CDKAL1: variants seen among roughly 807,000 people sequenced by gnomAD.
CDKAL1 encodes CDKAL1 threonylcarbamoyladenosine tRNA methylthiotransferase.
A neutral mutation model predicts 68.2 loss-of-function variants in CDKAL1; 32 were observed. The observed-to-expected ratio is 0.47, with a 90% CI of 0.35 to 0.63. The LOEUF is 0.63. Among genes scored for constraint, CDKAL1 ranks in the 30% least tolerant of loss-of-function variants. The probability of loss-of-function intolerance (pLI) is 0.00; values close to 1 mark genes in which losing one functional copy is unlikely to be tolerated. For missense variants in CDKAL1, 606 were observed against 696.7 expected (o/e 0.87, Z 1.47); for synonymous variants, 234 against 244.3 (o/e 0.96, Z 0.39).
chr6:21,124,705 C>G (rs1774904812), intron 13 of CDKAL1, among the ~76,000 whole-genome samples: 1 of 151,514 alleles, frequency 6.6e-6, no homozygotes, highest in Admixed American at 6.6e-5. Flanking sequence ...TATAGGTTCA[C>G]TTGGTGGCAG....
At chr6:21,103,835 G>A (rs1773710727) in intron 12 of CDKAL1, among the ~76,000 whole-genome samples, 1 of 152,140 alleles carries the variant, frequency 6.6e-6, no homozygotes, top group African/African-American at 2.4e-5. Flanking sequence ...GCATGACTGA[G>A]ATGTTTGTTT....
chr6:20,662,996 C>T lies in CDKAL1; in HGVS notation c.371+13619C>T, dbSNP rs1299310236. Among the ~76,000 whole-genome samples the T allele has an allele frequency of 2.6e-5, 4 of 152,078 alleles. 1 individual carries two copies. Among genetic ancestry groups the T allele is most frequent in the South Asian group, 4.1e-4 (2 of 4,834 alleles). On this transcript the variant is annotated intron_variant, in intron 5 of 15. Transcript: ENST00000274695. The stretch of plus-strand genomic sequence containing the variant: ...AGTTTAAGGGTGTGAGGATTGAAGT[C>T]GGTTGTTTTAAAGGTCTTTCCCTTT...
Position 21,224,577 on chromosome 6 carries a change from G to GA in CDKAL1, c.1549-6263dup, listed in dbSNP as rs201204295. Among the ~76,000 whole-genome samples the GA allele has an allele frequency of 9.4e-3, 1,419 of 151,588 alleles. 17 individuals are homozygous for GA. The highest frequency in any genetic ancestry group is 0.032 in the African/African-American group (1,310 of 41,366). ...CCCTATGCTACTGGCTTTGAAAATG[G>GA]AAAAAAAAGGGTCACAGGCCAAGAG... On this transcript the variant is annotated intron_variant, in intron 15 of 15. Transcript: ENST00000274695.
At chr6:20,819,734 GTGTT>G (rs1437379785) in intron 8 of CDKAL1, among the ~76,000 whole-genome samples, 2 of 152,112 alleles carry the variant, frequency 1.3e-5, no homozygotes, top group Non-Finnish European at 2.9e-5. Context: ...ATTTTCAAAT[GTGTT>G]TGAGTTCCTT....
At chr6:21,011,808 A>G (rs1477805679) in intron 11 of CDKAL1, among the ~76,000 whole-genome samples, 6 of 152,208 alleles carry the variant, frequency 3.9e-5, no homozygotes, top group Admixed American at 3.9e-4. Flanking sequence ...TATCCGTGAT[A>G]TCATTAAATC....
intron 8 of CDKAL1, among the ~76,000 whole-genome samples, chr6:20,822,425 T>C (rs1002116483): frequency 1.3e-5 from 2 of 152,100 alleles, no homozygotes; most frequent in African/African-American, 4.8e-5. Context: ...ACTCCCATAC[T>C]CGATAATCAG....
In CDKAL1 at chr6:20,639,734, G is replaced by A. The variant is rs184449973; in HGVS notation, c.287-9559G>A. 2.0e-5 allele frequency among the ~76,000 whole-genome samples: 3 copies of A among 152,256 alleles called. No homozygotes were observed. In the East Asian group the frequency reaches 5.8e-4, roughly 29 times the overall value. Reference sequence around the variant, plus strand: ...TGCTCAGGCTGGAGTGCCGTGGTGCGATCTCGGCTCACTGCAACCTCCGCC... The same window carrying A: ...TGCTCAGGCTGGAGTGCCGTGGTGCAATCTCGGCTCACTGCAACCTCCGCC... On this transcript the variant is annotated intron_variant, in intron 4 of 15. Transcript: ENST00000274695.
intron 4 of CDKAL1, among the ~76,000 whole-genome samples, chr6:20,616,117 T>C (rs1766885465): frequency 6.7e-6 from 1 of 149,926 alleles, no homozygotes; most frequent in Admixed American, 6.6e-5. Context: ...TTCTGAGGGC[T>C]CTGTTCTGTT....
chr6:20,717,383 A>G (rs933322539), intron 5 of CDKAL1, among the ~76,000 whole-genome samples: 1 of 151,830 alleles, frequency 6.6e-6, no homozygotes, highest in Non-Finnish European at 1.5e-5. Flanking sequence ...TTACAGGACC[A>G]AAGTATGACA....
intron 11 of CDKAL1, among the ~76,000 whole-genome samples, chr6:21,053,978 T>C (rs779061447): frequency 1.5e-4 from 23 of 152,216 alleles, no homozygotes; most frequent in Non-Finnish European, 2.9e-4. Context: ...AATTTTACTT[T>C]TACGGATTGT....
chr6:20,814,977 T>C (rs1472481392), intron 8 of CDKAL1, among the ~76,000 whole-genome samples: 2 of 152,240 alleles, frequency 1.3e-5, no homozygotes, highest in Non-Finnish European at 2.9e-5. Context: ...TTAGGCACCA[T>C]GTTGGAGAAT....
chr6:21,079,984 G>GTGTGTGTGTGTGTGTGTA (rs1772296858), intron 12 of CDKAL1, among the ~76,000 whole-genome samples: 1 of 150,410 alleles, frequency 6.6e-6, no homozygotes, highest in Non-Finnish European at 1.5e-5. Context: ...CTCTGTGTGT[G>GTGTGTGTGTGTGTGTGTA]TGTGTGTGTG....
At chr6:20,658,005 G>C (rs1469557960) in intron 5 of CDKAL1, among the ~76,000 whole-genome samples, 1 of 86,614 alleles carries the variant, frequency 1.2e-5, no homozygotes, top group Non-Finnish European at 2.2e-5. Context: ...CCTTTAACTT[G>C]GGGGGGTTCT....
At chr6:20,721,188 A>C (rs960995318) in intron 5 of CDKAL1, among the ~76,000 whole-genome samples, 2 of 134,002 alleles carry the variant, frequency 1.5e-5, no homozygotes, top group Non-Finnish European at 3.1e-5. Flanking sequence ...TTAAATTCCC[A>C]CCTATAAGTG....
At chr6:21,210,915 C>T (rs1779125935) in intron 15 of CDKAL1, among the ~76,000 whole-genome samples, 1 of 152,204 alleles carries the variant, frequency 6.6e-6, no homozygotes, top group South Asian at 2.1e-4. Context: ...GTCGCCTCTG[C>T]TCCACCTCCC....
intron 9 of CDKAL1, among the ~76,000 whole-genome samples, chr6:20,871,001 T>C (rs781339190): frequency 2.0e-5 from 3 of 152,192 alleles, no homozygotes; most frequent in Non-Finnish European, 4.4e-5. Context: ...TAAGTTGTTA[T>C]ATTTACTAAT....
intron 15 of CDKAL1, among the ~76,000 whole-genome samples, chr6:21,211,344 A>G (rs1382279550): frequency 6.6e-6 from 1 of 152,246 alleles, no homozygotes. Flanking sequence ...AAGACATTAG[A>G]CAAGCACATA....
chr6:20,763,258 T>G (rs753314528), intron 7 of CDKAL1, among the ~76,000 whole-genome samples: 2 of 152,100 alleles, frequency 1.3e-5, no homozygotes, highest in Non-Finnish European at 2.9e-5. Context: ...TACCCTAAGG[T>G]CACAGCTCTT....
intron 11 of CDKAL1, among the ~76,000 whole-genome samples, chr6:21,020,071 C>A (rs1015413596): frequency 6.6e-6 from 1 of 152,038 alleles, no homozygotes; most frequent in Admixed American, 6.6e-5. Context: ...TTTTCTGTCT[C>A]CCCTTTTTCT....
Sources: gnomAD v4.1 joint callset for allele counts (sites outside exome capture counted in the v4.1 genomes callset) on GRCh38, gnomAD v4.1.1 for gene constraint, MANE v1.5 for transcripts, NCBI Gene and HGNC (gene_info 2026-07-23, HGNC 2026-07-21) for gene names.